DMXL2: variants seen among roughly 807,000 people sequenced by gnomAD.
DMXL2 encodes Dmx like 2.
DMXL2 carries 103 observed loss-of-function variants against 331.1 expected under a neutral mutation model. The ratio of observed to expected loss-of-function variants is 0.31; its 90% CI spans 0.27 to 0.37. The LOEUF (loss-of-function observed/expected upper bound fraction) is 0.37, where lower values mean the gene tolerates loss of function less well. DMXL2 is among the 10% of genes least tolerant of loss of function. DMXL2 has a pLI of 1.00. For synonymous variants in DMXL2, 1,281 were observed against 1,252.1 expected (o/e 1.02, Z -0.49); for missense variants, 3,171 against 3,642.9 (o/e 0.87, Z 3.33).
intron 13 of DMXL2, among the ~76,000 whole-genome samples, chr15:51,521,244 C>A (rs2047345728): frequency 6.6e-6 from 1 of 152,080 alleles, no homozygotes; most frequent in African/African-American, 2.4e-5. Context: ...TGCTAGCTGA[C>A]TAAACTGGGA....
intron 15 of DMXL2, among the ~76,000 whole-genome samples, chr15:51,508,248 G>A (rs1276347971): frequency 6.6e-6 from 1 of 152,116 alleles, no homozygotes; most frequent in Non-Finnish European, 1.5e-5. Context: ...GATGGGTGCA[G>A]CAAACCACCA....
chr15:51,572,308 A>G (rs2050728383), intron 2 of DMXL2, among the ~76,000 whole-genome samples: 1 of 147,572 alleles, frequency 6.8e-6, no homozygotes, highest in Non-Finnish European at 1.5e-5. Flanking sequence ...CTACCAACCA[A>G]AAAAAGTCCA....
chr15:51,508,610 AAG>A (rs1376082390), intron 15 of DMXL2, among the ~76,000 whole-genome samples: 1 of 152,200 alleles, frequency 6.6e-6, no homozygotes, highest in African/African-American at 2.4e-5. Context: ...TAGTTCATTA[AAG>A]AGTTTTCTTA....
At chr15:51,486,695 A>C (rs2042418552) in intron 22 of DMXL2, among the ~76,000 whole-genome samples, 1 of 152,212 alleles carries the variant, frequency 6.6e-6, no homozygotes, top group African/African-American at 2.4e-5. Flanking sequence ...ATTTCTGCAT[A>C]ATCATAATTA....
At chr15:51,484,601 C>T (rs910799291) in intron 23 of DMXL2, among the ~76,000 whole-genome samples, 6 of 152,148 alleles carry the variant, frequency 3.9e-5, no homozygotes, top group African/African-American at 9.7e-5. Context: ...TTAGAAGAGG[C>T]AACTTTTTCT....
chr15:51,555,637 A>G (rs1307116951), intron 6 of DMXL2, among the ~76,000 whole-genome samples: 1 of 152,160 alleles, frequency 6.6e-6, no homozygotes, highest in East Asian at 1.9e-4. Context: ...ATGAAGAAAG[A>G]GGGAAGGCAT....
At position 51,536,435 on chromosome 15, in the gene DMXL2, T is replaced by C. The variant is rs200508666; in HGVS notation, c.2045A>G (p.Gln682Arg). ...ACTTAATTTATTGTCTGAGTCCCACTGACAATCTAATTCAGGAGTCAATAG... is the reference window on the plus strand; with the variant it reads ...ACTTAATTTATTGTCTGAGTCCCACCGACAATCTAATTCAGGAGTCAATAG... The part of the protein sequence containing the change: ...NALLTPELDC[Q>R]WDSDNKLSRL... Residue 682 changes from glutamine (Q) to arginine (R), a missense_variant, in exon 12 of 44, where the codon CAG becomes CGG. Physicochemically the swap from Gln to Arg is conservative, Grantham distance 43 (BLOSUM62 1). Transcript: ENST00000560891. The C allele has an allele frequency of 2.5e-6, 4 of 1,614,002 alleles. No homozygotes were observed. The East Asian group carries it at 8.9e-5, about 36-fold the overall frequency.
intron 13 of DMXL2, among the ~76,000 whole-genome samples, chr15:51,525,027 G>A (rs565564044): frequency 5.5e-4 from 84 of 151,842 alleles, no homozygotes; most frequent in African/African-American, 2.0e-3. Context: ...AGAGTGGGGA[G>A]GATTTTGTTT....
At chr15:51,508,998 C>T (rs1033696459) in intron 15 of DMXL2, among the ~76,000 whole-genome samples, 11 of 152,110 alleles carry the variant, frequency 7.2e-5, no homozygotes, top group East Asian at 1.9e-4. Flanking sequence ...CTGAATCTTC[C>T]GAATCTTAAT....
At chr15:51,598,334 T>C (rs1256305908) in intron 1 of DMXL2, among the ~76,000 whole-genome samples, 3 of 152,176 alleles carry the variant, frequency 2.0e-5, no homozygotes, top group Non-Finnish European at 4.4e-5. Context: ...TCTGGACCAT[T>C]TGAAAGTTGC....
At chr15:51,612,907 T>G (rs191202684) in intron 1 of DMXL2, among the ~76,000 whole-genome samples, 1 of 152,220 alleles carries the variant, frequency 6.6e-6, no homozygotes, top group Non-Finnish European at 1.5e-5. Flanking sequence ...GCAGCCATTT[T>G]AGAGGCCTCC....
At chr15:51,514,863 C>A (rs1287139502) in intron 14 of DMXL2, among the ~76,000 whole-genome samples, 2 of 150,690 alleles carry the variant, frequency 1.3e-5, no homozygotes, top group Non-Finnish European at 3.0e-5. Flanking sequence ...ACCCAAATTC[C>A]AAATTTAAAG....
At chr15:51,506,312 C>T (rs1471922705) in intron 16 of DMXL2, among the ~76,000 whole-genome samples, 1 of 152,100 alleles carries the variant, frequency 6.6e-6, no homozygotes, top group Non-Finnish European at 1.5e-5. Context: ...ATCGTCCTGC[C>T]CTAGCCTCCC....
intron 1 of DMXL2, among the ~76,000 whole-genome samples, chr15:51,581,453 A>G (rs985723516): frequency 2.0e-5 from 3 of 152,182 alleles, no homozygotes; most frequent in Non-Finnish European, 4.4e-5. Flanking sequence ...AACCACTGAC[A>G]GATGCGTCTA....
chr15:51,576,536 C>G (rs1399525542), intron 1 of DMXL2, among the ~76,000 whole-genome samples: 1 of 151,856 alleles, frequency 6.6e-6, no homozygotes, highest in Non-Finnish European at 1.5e-5. Flanking sequence ...TCTAAAAATA[C>G]TAAGCCACTG....
chr15:51,491,446 A>C (rs1227370195), intron 20 of DMXL2, 132 bp downstream of exon 20: 8 of 902,174 alleles, frequency 8.9e-6, no homozygotes, highest in Non-Finnish European at 1.1e-5. Flanking sequence ...CATCTCCAAA[A>C]AAAAAAAAAT....
At chr15:51,454,061 G>A (rs768029488) in intron 40 of DMXL2, 12 of 172,932 alleles carry the variant, frequency 6.9e-5, no homozygotes, top group Non-Finnish European at 1.5e-4. Context: ...ATGTTTTTCT[G>A]TCTGGAATTA....
At chr15:51,482,906 A>G (rs1224917672) in intron 23 of DMXL2, among the ~76,000 whole-genome samples, 3 of 152,230 alleles carry the variant, frequency 2.0e-5, no homozygotes, top group African/African-American at 7.2e-5. Flanking sequence ...TCAAAGGGAG[A>G]GCACTAGAGT....
intron 1 of DMXL2, among the ~76,000 whole-genome samples, chr15:51,577,381 A>G (rs2051118768): frequency 1.3e-5 from 2 of 152,204 alleles, no homozygotes; most frequent in Non-Finnish European, 2.9e-5. Context: ...AAAACTTCCA[A>G]TGTTACCAAA....
Sources: gnomAD v4.1 joint callset for allele counts (sites outside exome capture counted in the v4.1 genomes callset) on GRCh38, gnomAD v4.1.1 for gene constraint, MANE v1.5 for transcripts, NCBI Gene and HGNC (gene_info 2026-07-23, HGNC 2026-07-21) for gene names.